SMAP1: variants seen among roughly 807,000 people sequenced by gnomAD.
SMAP1 encodes small ArfGAP 1.
In SMAP1, 24 loss-of-function variants were observed where a neutral mutation model predicts 58.5. The ratio of observed to expected loss-of-function variants is 0.41; its 90% CI spans 0.30 to 0.58. The LOEUF (loss-of-function observed/expected upper bound fraction) is 0.58. Among genes scored for constraint, SMAP1 ranks in the 20% least tolerant of loss-of-function variants. The pLI, the probability that SMAP1 is intolerant of heterozygous loss-of-function variation, is 0.29. For synonymous variants in SMAP1, 216 were observed against 196.6 expected, an observed-to-expected ratio of 1.10 and a Z score of -0.82; for missense variants, 563 against 566.3, an observed-to-expected ratio of 0.99 and a Z score of 0.06.
At chr6:70,842,020 TC>T (rs1770824297) in intron 7 of SMAP1, among the ~76,000 whole-genome samples, 1 of 152,178 alleles carries the variant, frequency 6.6e-6, no homozygotes, top group Non-Finnish European at 1.5e-5. Flanking sequence ...GTCCTGGTGA[TC>T]CACAGTTACC....
chr6:70,690,706 A>T lies in SMAP1; in HGVS notation c.118+22565A>T, dbSNP rs61469039. The stretch of plus-strand genomic sequence containing the variant: ...GTATCTTTTATATATATATATATAT[A>T]TATTTTTGAATTTGATTTGCTATGA... On this transcript the variant is annotated intron_variant, in intron 1 of 10. Transcript: ENST00000370455. Among the ~76,000 whole-genome samples, 1,029 of 146,238 alleles carry T rather than the reference A, an allele frequency of 7.0e-3. 6 individuals carry two copies. Among genetic ancestry groups the T allele is most frequent in the South Asian group, 0.015 (67 of 4,536 alleles).
At chr6:70,723,844 A>G (rs981027549) in intron 1 of SMAP1, among the ~76,000 whole-genome samples, 17 of 152,170 alleles carry the variant, frequency 1.1e-4, no homozygotes, top group African/African-American at 3.9e-4. Flanking sequence ...TTTAAATACT[A>G]CAACTTAGGT....
chr6:70,833,174 T>A (rs1770433684), intron 6 of SMAP1, among the ~76,000 whole-genome samples: 1 of 152,222 alleles, frequency 6.6e-6, no homozygotes, highest in Non-Finnish European at 1.5e-5. Flanking sequence ...CTATGTAGTT[T>A]GTGCTTTGGT....
intron 1 of SMAP1, among the ~76,000 whole-genome samples, chr6:70,720,376 C>G (rs949152032): frequency 6.6e-6 from 1 of 152,226 alleles, no homozygotes; most frequent in Non-Finnish European, 1.5e-5. Flanking sequence ...TCCTTCCCGG[C>G]TGCTTTCATG....
intron 1 of SMAP1, among the ~76,000 whole-genome samples, chr6:70,675,896 T>C (rs1169305068): frequency 6.6e-6 from 1 of 152,220 alleles, no homozygotes; most frequent in Non-Finnish European, 1.5e-5. Flanking sequence ...GTTTGTATAA[T>C]AAATATGGTT....
intron 1 of SMAP1, among the ~76,000 whole-genome samples, chr6:70,704,602 C>T (rs1039082373): frequency 6.6e-6 from 1 of 152,064 alleles, no homozygotes; most frequent in Non-Finnish European, 1.5e-5. Context: ...ACAGAATTTG[C>T]CTTAGTCTTT....
At chr6:70,841,258 A>G (rs1770794235) in intron 7 of SMAP1, among the ~76,000 whole-genome samples, 1 of 152,154 alleles carries the variant, frequency 6.6e-6, no homozygotes, top group African/African-American at 2.4e-5. Flanking sequence ...CCTCCCATTA[A>G]TGGTTCCTGC....
At chr6:70,675,198 GTTTTTTTTT>G (rs67744035) in intron 1 of SMAP1, among the ~76,000 whole-genome samples, 3 of 109,982 alleles carry the variant, frequency 2.7e-5, no homozygotes, top group Admixed American at 1.0e-4. Flanking sequence ...ATTATATAGT[GTTTTTTTTT>G]TTTTTTTTTT....
intron 1 of SMAP1, among the ~76,000 whole-genome samples, chr6:70,707,742 A>G (rs1178913634): frequency 6.6e-6 from 1 of 152,118 alleles, no homozygotes; most frequent in Non-Finnish European, 1.5e-5. Flanking sequence ...AGTAGCTGGG[A>G]CTACAGGCGC....
intron 1 of SMAP1, among the ~76,000 whole-genome samples, chr6:70,699,118 A>T (rs1263812902): frequency 2.0e-5 from 3 of 152,032 alleles, no homozygotes; most frequent in Non-Finnish European, 4.4e-5. Flanking sequence ...ATTAGTGGGG[A>T]CCCAGACCCA....
intron 1 of SMAP1, among the ~76,000 whole-genome samples, chr6:70,694,948 C>T (rs914414887): frequency 1.3e-5 from 2 of 152,114 alleles, no homozygotes; most frequent in Admixed American, 6.5e-5. Flanking sequence ...AATATATTTC[C>T]GTTTTTTTGT....
chr6:70,770,108 C>T (rs1292084403), intron 3 of SMAP1, among the ~76,000 whole-genome samples: 5 of 151,832 alleles, frequency 3.3e-5, no homozygotes, highest in South Asian at 2.1e-4. Flanking sequence ...GAGTTTCTGC[C>T]GAGAGGTCAG....
At chr6:70,823,457 G>A (rs898175839) in intron 6 of SMAP1, among the ~76,000 whole-genome samples, 1 of 152,070 alleles carries the variant, frequency 6.6e-6, no homozygotes, top group African/African-American at 2.4e-5. Context: ...AGCAGGTCAG[G>A]CTCTGGTAAA....
intron 4 of SMAP1, among the ~76,000 whole-genome samples, chr6:70,787,168 T>C (rs562495250): frequency 1.1e-3 from 173 of 152,322 alleles, no homozygotes; most frequent in Non-Finnish European, 2.1e-3. Context: ...TATCTGATCT[T>C]TGACAAACCT....
intron 1 of SMAP1, among the ~76,000 whole-genome samples, chr6:70,683,219 G>T: frequency 7.0e-6 from 1 of 143,476 alleles, no homozygotes; most frequent in South Asian, 2.2e-4. Context: ...CGCCCAGGCT[G>T]GAGTGCAGTG....
intron 7 of SMAP1, among the ~76,000 whole-genome samples, chr6:70,842,300 G>T (rs912161975): frequency 5.3e-5 from 8 of 152,208 alleles, no homozygotes; most frequent in African/African-American, 1.9e-4. Context: ...CAAAAAGGAG[G>T]TCTCAGGGAT....
chr6:70,731,227 A>G (rs959335763), intron 1 of SMAP1, among the ~76,000 whole-genome samples: 1 of 152,056 alleles, frequency 6.6e-6, no homozygotes, highest in African/African-American at 2.4e-5. Flanking sequence ...TTATTTTTCC[A>G]TTTTTACTTT....
intron 4 of SMAP1, among the ~76,000 whole-genome samples, chr6:70,787,087 G>A (rs1768078350): frequency 6.6e-6 from 1 of 152,114 alleles, no homozygotes; most frequent in Non-Finnish European, 1.5e-5. Flanking sequence ...GCATGGTACT[G>A]GTACCAAAAC....
At chr6:70,768,535 CG>C (rs1767110929) in intron 3 of SMAP1, among the ~76,000 whole-genome samples, 1 of 151,960 alleles carries the variant, frequency 6.6e-6, no homozygotes, top group African/African-American at 2.4e-5. Context: ...AGTTTATTTG[CG>C]TAGAGGTGTT....
Sources: gnomAD v4.1 joint callset for allele counts (sites outside exome capture counted in the v4.1 genomes callset) on GRCh38, gnomAD v4.1.1 for gene constraint, MANE v1.5 for transcripts, NCBI Gene and HGNC (gene_info 2026-07-23, HGNC 2026-07-21) for gene names.